Variants in FREM1 observed in about 807,000 individuals in gnomAD.
FREM1 encodes the protein FRAS1 related extracellular matrix 1.
In FREM1, 220 loss-of-function variants were observed where a neutral mutation model predicts 210.1. That is an observed-to-expected ratio of 1.05 (90% CI 0.94 to 1.17). FREM1 has a LOEUF of 1.17. Among genes scored for constraint, FREM1 ranks in the 50% most tolerant of loss-of-function variants. FREM1 has a pLI of 0.00. For missense variants in FREM1, 3,454 were observed against 2,675.5 expected (o/e 1.29, Z -6.42); for synonymous variants, 1,189 against 980.2 (o/e 1.21, Z -3.98).
intron 23 of FREM1, among the ~76,000 whole-genome samples, chr9:14,784,859 A>G (rs1850168014): frequency 6.6e-6 from 1 of 152,250 alleles, no homozygotes; most frequent in Non-Finnish European, 1.5e-5. Context: ...TAAATGCTCA[A>G]GCTCATTAGT....
intron 2 of FREM1, among the ~76,000 whole-genome samples, chr9:14,866,267 T>C (rs371717847): frequency 1.1e-4 from 17 of 152,190 alleles, no homozygotes; most frequent in African/African-American, 4.1e-4. Context: ...ATTCCAATCC[T>C]TGATTCTTGT....
intron 27 of FREM1, among the ~76,000 whole-genome samples, chr9:14,761,984 T>A (rs1328448406): frequency 3.3e-5 from 5 of 152,244 alleles, no homozygotes; most frequent in Non-Finnish European, 7.3e-5. Flanking sequence ...TAGCAACGTA[T>A]GTGCAGTACA....
chr9:14,762,420 C>A (rs546133867), intron 27 of FREM1, among the ~76,000 whole-genome samples: 1 of 152,256 alleles, frequency 6.6e-6, no homozygotes, highest in Admixed American at 6.5e-5. Context: ...CTGGTGACCT[C>A]AAGGCGAAAA....
At position 14,825,548 on chromosome 9, in the gene FREM1, T is replaced by TGTGTGTATATATATATAC. The variant is rs1554685284; in HGVS notation, c.1882-557_1882-556insGTATATATATATACACAC. Reference sequence around the variant, plus strand: ...ATATATATATATATGTGTGTGTGTGTATATATATATATATATATATATACC... The same window carrying TGTGTGTATATATATATAC: ...ATATATATATATATGTGTGTGTGTGTGTGTGTATATATATATACATATATATATATATATATATATACC... On this transcript the variant is annotated intron_variant, in intron 10 of 36. Coordinates refer to ENST00000380880, the MANE Select transcript of FREM1 (RefSeq NM_001379081.2). Among the ~76,000 whole-genome samples the TGTGTGTATATATATATAC allele has an allele frequency of 8.1e-3, 350 of 43,140 alleles. 2 individuals carry two copies. Among genetic ancestry groups the TGTGTGTATATATATATAC allele is most frequent in the Admixed American group, 0.012 (47 of 4,024 alleles). 28.3% of individuals were successfully genotyped at this position (43,140 alleles called of 152,430 possible).
intron 5 of FREM1, among the ~76,000 whole-genome samples, chr9:14,853,287 G>C (rs926410949): frequency 6.6e-6 from 1 of 152,144 alleles, no homozygotes; most frequent in Non-Finnish European, 1.5e-5. Context: ...TCCAGTTAAG[G>C]GCCTAGTGGG....
Position 14,845,897 on chromosome 9 carries a change from A to G in FREM1, c.1393+63T>C. ...GAGATGCTACATATATCTGTTAAATATATCTACTTTTGAAGAAAATACTTT... is the reference window on the plus strand; with the variant it reads ...GAGATGCTACATATATCTGTTAAATGTATCTACTTTTGAAGAAAATACTTT... On this transcript the variant is annotated intron_variant, in intron 8 of 36. Transcript: ENST00000380880. 5 of 1,558,554 alleles carry G rather than the reference A, an allele frequency of 3.2e-6. 1 individual carries two copies. The highest frequency in any genetic ancestry group is 3.4e-4 in the Middle Eastern group (2 of 5,926).
At chr9:14,797,764 T>A (rs912335435) in intron 20 of FREM1, 122 bp from the exon 21 acceptor site, 2 of 667,460 alleles carry the variant, frequency 3.0e-6, no homozygotes, top group Non-Finnish European at 2.4e-6. Flanking sequence ...ATCAGTGCAG[T>A]AGGGTGAAAT....
At chr9:14,738,073 T>C (rs888180853) in intron 36 of FREM1, among the ~76,000 whole-genome samples, 3 of 152,202 alleles carry the variant, frequency 2.0e-5, no homozygotes, top group African/African-American at 2.4e-5. Context: ...TATTTGAAAG[T>C]AGCTTACTAT....
chr9:14,842,633 G>A lies in FREM1; in HGVS notation c.1421C>T (p.Ala474Val), dbSNP rs754097586. ...GCGAACAACTCCAGCCTGGAGGTCAGCCACGGTGAAGAGAAACCCTTTCCC... is the reference window on the plus strand; with the variant it reads ...GCGAACAACTCCAGCCTGGAGGTCAACCACGGTGAAGAGAAACCCTTTCCC... ...RGGKGFLFTVADLQAGVVRYH... is the reference protein window; with the variant it reads ...RGGKGFLFTVVDLQAGVVRYH... Residue 474 changes from alanine to valine, a missense_variant, in exon 9 of 37, where the codon GCT becomes GTT. By Grantham distance (64) the Ala-to-Val change is moderately conservative. Transcript: ENST00000380880. 2.4e-5 allele frequency: 38 copies of A among 1,613,716 alleles called. No homozygotes were observed. Among genetic ancestry groups the A allele is most frequent in the Admixed American group, 5.0e-5 (3 of 60,026 alleles).
intron 35 of FREM1, among the ~76,000 whole-genome samples, chr9:14,745,780 T>C (rs1842307279): frequency 6.6e-6 from 1 of 152,256 alleles, no homozygotes; most frequent in South Asian, 2.1e-4. Flanking sequence ...AAAGTCCTTC[T>C]GGACTACATA....
chr9:14,877,842 C>G (rs916461928), intron 1 of FREM1, among the ~76,000 whole-genome samples: 7 of 152,128 alleles, frequency 4.6e-5, no homozygotes, highest in African/African-American at 1.7e-4. Flanking sequence ...GACCCCAGAC[C>G]AAGGGAAATT....
At chr9:14,775,517 C>T (rs959448405) in intron 25 of FREM1, among the ~76,000 whole-genome samples, 1 of 151,974 alleles carries the variant, frequency 6.6e-6, no homozygotes, top group African/African-American at 2.4e-5. Context: ...ACCAGCCTGA[C>T]TGACATGGTG....
At chr9:14,832,375 T>C (rs1289462053) in intron 10 of FREM1, among the ~76,000 whole-genome samples, 1 of 152,182 alleles carries the variant, frequency 6.6e-6, no homozygotes, top group East Asian at 1.9e-4. Flanking sequence ...AAACCCTCAC[T>C]GCAGCTAAAA....
At chr9:14,778,091 G>A (rs968419726) in intron 24 of FREM1, among the ~76,000 whole-genome samples, 1 of 152,044 alleles carries the variant, frequency 6.6e-6, no homozygotes. Context: ...GACTTGTAAA[G>A]AATGAAACCT....
Position 14,869,230 on chromosome 9 carries a change from A to C in FREM1, c.-253T>G. The C allele has an allele frequency of 2.5e-6, 1 of 400,704 alleles. No homozygotes were observed. The highest frequency in any genetic ancestry group is 2.0e-5 in the African/African-American group (1 of 50,936). 24.8% of individuals were successfully genotyped at this position (400,704 alleles called of 1,614,324 possible). Reference sequence around the variant, plus strand: ...GCCGGCAAGATTAATGGGCTTCCCAAGTGCTTTTCTAATCCTGCAAATGGG... The same window carrying C: ...GCCGGCAAGATTAATGGGCTTCCCACGTGCTTTTCTAATCCTGCAAATGGG... On this transcript the variant is annotated 5_prime_UTR_variant, in exon 2 of 37. Coordinates refer to ENST00000380880, the MANE Select transcript of FREM1 (RefSeq NM_001379081.2).
In FREM1 at chr9:14,746,425, G is replaced by T; in HGVS notation, c.6182C>A (p.Ser2061Ter). The stretch of plus-strand genomic sequence containing the variant: ...TGTGATCAAGATGTGACAGTAGCCT[G>T]AGTGCTGGTGCCACCCGGCTGGACA... ...KSCPAGWHQH[S>*]GYCHILITEQ... is the part of the protein sequence containing the mutation. Residue 2061 changes from serine (S) to a stop codon, truncating the protein, a stop_gained, in exon 35 of 37, where the codon TCA becomes TAA. Transcript: ENST00000380880. LOFTEE classifies it high-confidence loss of function. 3.1e-6 allele frequency: 5 copies of T among 1,613,900 alleles called. No homozygotes were observed. Among genetic ancestry groups the T allele is most frequent in the Non-Finnish European group, 4.2e-6 (5 of 1,179,794 alleles).
chr9:14,785,423 C>T (rs1850269416), intron 23 of FREM1, among the ~76,000 whole-genome samples: 3 of 152,070 alleles, frequency 2.0e-5, no homozygotes, highest in African/African-American at 7.2e-5. Context: ...TATTCCAGTC[C>T]TTCAATTGTG....
chr9:14,824,866 C>T lies in FREM1; in HGVS notation c.2008G>A (p.Asp670Asn), dbSNP rs1822045694. 2 of 1,613,410 alleles carry T rather than the reference C, an allele frequency of 1.2e-6. No homozygotes were observed. The highest frequency in any genetic ancestry group is 3.3e-5 in the Admixed American group (2 of 59,964). The change falls in exon 11 of 37, where the codon GAT becomes AAT. Residue 670 changes from aspartate to asparagine, a missense_variant. By Grantham distance (23) the Asp-to-Asn change is conservative. Transcript: ENST00000380880. Reference sequence around the variant, plus strand: ...AGCTCCCTGTCATATGATTCTGAATCTATAAAATGTAGCTGTTTCTTAGTT... The same window carrying T: ...AGCTCCCTGTCATATGATTCTGAATTTATAAAATGTAGCTGTTTCTTAGTT... ...YITKKQLHFIDSESYDRELVY... is the reference protein window; with the variant it reads ...YITKKQLHFINSESYDRELVY...
At chr9:14,868,648 G>A in intron 2 of FREM1, 96 bp downstream of exon 2, 1 of 784,004 alleles carries the variant, frequency 1.3e-6, no homozygotes, top group South Asian at 1.6e-5. Flanking sequence ...ATGGCTTGAG[G>A]GGAGACATTT....
Sources: allele counts gnomAD v4.1 joint callset (sites outside exome capture counted in the v4.1 genomes callset), GRCh38; gene constraint gnomAD v4.1.1; transcripts MANE v1.5; gene names NCBI Gene and HGNC (gene_info 2026-07-23, HGNC 2026-07-21).